TSPEAR: variants seen among roughly 807,000 people sequenced by gnomAD.
TSPEAR encodes the protein thrombospondin-type laminin G domain and EAR repeat-containing protein.
In TSPEAR, 69 loss-of-function variants were observed where a neutral mutation model predicts 71.6. That is an observed-to-expected ratio of 0.96 (90% CI 0.79 to 1.18). The LOEUF is 1.18. Ranked by LOEUF, TSPEAR falls within the 50% of genes most tolerant of loss-of-function variation. The pLI is 0.00. For missense variants in TSPEAR, 971 were observed against 894.9 expected, an observed-to-expected ratio of 1.09 and a Z score of -1.09; for synonymous variants, 402 against 387.2, an observed-to-expected ratio of 1.04 and a Z score of -0.45.
intron 1 of TSPEAR, among the ~76,000 whole-genome samples, chr21:44,696,630 T>C (rs538242072): frequency 6.6e-6 from 1 of 152,220 alleles, no homozygotes; most frequent in South Asian, 2.1e-4. Context: ...GGATTCAAGA[T>C]AAAGAGAATA....
chr21:44,583,999 T>C (rs782656976), intron 1 of TSPEAR, among the ~76,000 whole-genome samples: 10 of 152,206 alleles, frequency 6.6e-5, no homozygotes, highest in Non-Finnish European at 1.0e-4. Context: ...CTGTATCCTG[T>C]CATCAACATC....
chr21:44,644,763 C>T lies in TSPEAR; in HGVS notation c.82+66670G>A, dbSNP rs192193288. Among the ~76,000 whole-genome samples the T allele has an allele frequency of 1.5e-3, 233 of 152,078 alleles. 2 individuals carry two copies. Among genetic ancestry groups the T allele is most frequent in the African/African-American group, 5.5e-3 (229 of 41,488 alleles). ...AAATAAAAAGTCATAAAAAGAGAGACCAGGAAAGATGAAATTATTATTAAA... is the reference window on the plus strand; with the variant it reads ...AAATAAAAAGTCATAAAAAGAGAGATCAGGAAAGATGAAATTATTATTAAA... On this transcript the variant is annotated intron_variant, in intron 1 of 11. Transcript: ENST00000323084.
Position 44,562,854 on chromosome 21 carries a change from C to T in TSPEAR, c.303+4931G>A, listed in dbSNP as rs587679640. Among the ~76,000 whole-genome samples the T allele has an allele frequency of 3.3e-5, 5 of 152,246 alleles. No individual in the cohort carries two copies. In the South Asian group the frequency reaches 6.2e-4, roughly 19 times the overall value. On this transcript the variant is annotated intron_variant, in intron 2 of 11. Coordinates refer to ENST00000323084, the MANE Select transcript of TSPEAR (RefSeq NM_144991.3). Reference sequence around the variant, plus strand: ...ATCTATTACCTGCAGATGCATCTTACGAGTCATACTAGCGTTCCGCAGACC... The same window carrying T: ...ATCTATTACCTGCAGATGCATCTTATGAGTCATACTAGCGTTCCGCAGACC...
intron 1 of TSPEAR, chr21:44,580,466 G>A (rs782199623): frequency 1.2e-6 from 2 of 1,613,174 alleles, no homozygotes. Flanking sequence ...GCAGACCAGG[G>A]TCAGGCAGGG....
chr21:44,626,263 G>C (rs1250736770), intron 1 of TSPEAR, among the ~76,000 whole-genome samples: 1 of 152,254 alleles, frequency 6.6e-6, no homozygotes, highest in Non-Finnish European at 1.5e-5. Flanking sequence ...AAGGCAAGAA[G>C]CTCGGGACTT....
At chr21:44,598,146 T>A (rs1555927862) in intron 1 of TSPEAR, among the ~76,000 whole-genome samples, 1 of 152,184 alleles carries the variant, frequency 6.6e-6, no homozygotes, top group Non-Finnish European at 1.5e-5. Context: ...ACTAGCATTA[T>A]CAGCACCAGC....
At chr21:44,599,134 T>TTCTCCCTCTCTCTCTCTC (rs1980576276) in intron 1 of TSPEAR, among the ~76,000 whole-genome samples, 1 of 92,280 alleles carries the variant, frequency 1.1e-5, no homozygotes. Flanking sequence ...GGCCCCCATT[T>TTCTCCCTCTCTCTCTCTC]TCTCTCTCTC....
intron 2 of TSPEAR, among the ~76,000 whole-genome samples, chr21:44,552,395 A>G (rs1243565892): frequency 6.6e-6 from 1 of 152,142 alleles, no homozygotes; most frequent in Non-Finnish European, 1.5e-5. Context: ...CTCACCAGGA[A>G]CCAGCAACAT....
rs781867567 is a variant in TSPEAR, at chr21:44,531,076, G to A, written c.600C>T (p.Val200=). ...TLSVKGARFF[V]GSRRRAKGLF... is the part of the protein sequence containing the mutation. ...GGCCTTTGGCTCTCCTCCGGCTGCC[G>A]ACGAAGAATCGAGCTCCTTTCACTG... Residue 200 remains valine (V), a synonymous_variant, in exon 4 of 12, where the codon GTC becomes GTT. Coordinates refer to ENST00000323084, the MANE Select transcript of TSPEAR (RefSeq NM_144991.3). 9.9e-6 allele frequency: 16 copies of A among 1,613,638 alleles called. No individual in the cohort carries two copies. The highest frequency in any genetic ancestry group is 6.6e-5 in the South Asian group (6 of 91,066).
At chr21:44,641,643 A>G (rs868913726) in intron 1 of TSPEAR, among the ~76,000 whole-genome samples, 2 of 152,236 alleles carry the variant, frequency 1.3e-5, no homozygotes, top group African/African-American at 4.8e-5. Flanking sequence ...CGAGGGGATG[A>G]ACACAGCTGA....
At chr21:44,550,649 G>A (rs781901663) in intron 2 of TSPEAR, 50 of 1,603,650 alleles carry the variant, frequency 3.1e-5, no homozygotes, top group Non-Finnish European at 4.0e-5. Flanking sequence ...GACTGGCAGG[G>A]AGGTGGGGCC....
At chr21:44,560,061 C>A (rs587775150) in intron 2 of TSPEAR, among the ~76,000 whole-genome samples, 1 of 152,128 alleles carries the variant, frequency 6.6e-6, no homozygotes, top group South Asian at 2.1e-4. Context: ...AGAGTCATGA[C>A]CCGTCAGTGT....
rs2053149194 is a variant in TSPEAR, at chr21:44,539,055, G to C, written c.304-5132C>G. On this transcript the variant is annotated intron_variant, in intron 2 of 11. Transcript: ENST00000323084. The stretch of plus-strand genomic sequence containing the variant: ...GTTCAAGTCGAGGCCAAGTGACCCA[G>C]AGCAGAGAAGCTGGGAGGGAGGACA... 8 of 636,020 alleles carry C rather than the reference G, an allele frequency of 1.3e-5. No individual in the cohort carries two copies. In the South Asian group the frequency reaches 1.6e-4, roughly 13 times the overall value. The allele number at this position is 636,020 out of a possible 1,614,324, so 39.4% of individuals were successfully genotyped here. A position where few individuals can be genotyped will look rare whatever the true frequency, so the allele number is the denominator to read the frequency against.
intron 1 of TSPEAR, chr21:44,702,182 C>G: frequency 6.6e-7 from 1 of 1,505,226 alleles, no homozygotes; most frequent in Non-Finnish European, 9.0e-7. Context: ...CCATCCACCC[C>G]ACAGAGCAAA....
At chr21:44,569,619 G>A (rs1601426108) in intron 1 of TSPEAR, among the ~76,000 whole-genome samples, 1 of 152,156 alleles carries the variant, frequency 6.6e-6, no homozygotes, top group East Asian at 1.9e-4. Flanking sequence ...GCCTGCTTTA[G>A]GACAGGAGAA....
chr21:44,681,229 C>A (rs1555947876), intron 1 of TSPEAR, among the ~76,000 whole-genome samples: 2 of 152,234 alleles, frequency 1.3e-5, no homozygotes, highest in African/African-American at 2.4e-5. Context: ...ACCCGGGAAG[C>A]AGGACATCCA....
At chr21:44,579,115 C>T (rs369272) in intron 1 of TSPEAR, among the ~76,000 whole-genome samples, 139,431 of 152,202 alleles carry the variant, frequency 0.92, 64,280 homozygotes, top group Non-Finnish European at 0.97. Flanking sequence ...CTGGAGGCTG[C>T]GGTGCCCGGA....
intron 1 of TSPEAR, among the ~76,000 whole-genome samples, chr21:44,621,400 A>G (rs1244526141): frequency 2.2e-4 from 34 of 152,184 alleles, no homozygotes; most frequent in Admixed American, 1.8e-3. Context: ...TATCTTATTG[A>G]TGGATGGACA....
chr21:44,592,508 T>G lies in TSPEAR; in HGVS notation c.83-24503A>C, dbSNP rs115806624. ...ATGCTGGGGTTGAACTGGTGGAGGG[T>G]GAGGGAGTGAGCCTGTGAGGTGCTG... On this transcript the variant is annotated intron_variant, in intron 1 of 11. Coordinates refer to ENST00000323084, the MANE Select transcript of TSPEAR (RefSeq NM_144991.3). 7.5e-3 allele frequency: 11,955 copies of G among 1,589,018 alleles called. 589 individuals carry two copies. In the African/African-American group the frequency reaches 0.12, roughly 16 times the overall value.
Sources: allele counts gnomAD v4.1 joint callset (sites outside exome capture counted in the v4.1 genomes callset), GRCh38; gene constraint gnomAD v4.1.1; transcripts MANE v1.5; gene names NCBI Gene and HGNC (gene_info 2026-07-23, HGNC 2026-07-21).